Variants in LHFPL3 observed in about 807,000 individuals in gnomAD.
LHFPL3 encodes the protein LHFPL tetraspan subfamily member 3, also known as LHFPL tetraspan subfamily member 3 protein.
Under a neutral mutation model 19.3 loss-of-function variants are expected in LHFPL3, and 5 were observed. The observed-to-expected ratio is 0.26, with a 90% confidence interval of 0.14 to 0.54. The LOEUF (loss-of-function observed/expected upper bound fraction) is 0.54. Among genes scored for constraint, LHFPL3 ranks in the 20% least tolerant of loss-of-function variants. The pLI is 0.94. For synonymous variants in LHFPL3, 133 were observed against 126.2 expected, an observed-to-expected ratio of 1.05 and a Z score of -0.36; for missense variants, 249 against 307.4, an observed-to-expected ratio of 0.81 and a Z score of 1.42.
At chr7:104,363,331 G>A (rs1790425872) in intron 1 of LHFPL3, among the ~76,000 whole-genome samples, 1 of 152,230 alleles carries the variant, frequency 6.6e-6, no homozygotes, top group Non-Finnish European at 1.5e-5. Flanking sequence ...CAAGAATACA[G>A]CCTCTTTCTC....
chr7:104,845,278 A>G lies in LHFPL3; in HGVS notation c.683-60909A>G, dbSNP rs745357203. On this transcript the variant is annotated intron_variant, in intron 2 of 2. Transcript: ENST00000424859. ...CCAAGTATGTCTCTGCACACCGTCAATGGAATAGCCAGGAATGACGTTGTC... is the reference window on the plus strand; with the variant it reads ...CCAAGTATGTCTCTGCACACCGTCAGTGGAATAGCCAGGAATGACGTTGTC... 5.5e-6 allele frequency: 4 copies of G among 730,680 alleles called. 1 individual carries two copies. Among genetic ancestry groups the G allele is most frequent in the Admixed American group, 4.0e-5 (2 of 49,462 alleles). 45.3% of individuals were successfully genotyped at this position (730,680 alleles called of 1,614,324 possible).
intron 1 of LHFPL3, among the ~76,000 whole-genome samples, 166 bp downstream of exon 1, chr7:104,329,390 C>T (rs994851382): frequency 6.6e-6 from 1 of 152,174 alleles, no homozygotes; most frequent in East Asian, 1.9e-4. Context: ...GGCCGGAACC[C>T]CCGGGGTTCC....
At chr7:104,358,286 A>G (rs1790323054) in intron 1 of LHFPL3, among the ~76,000 whole-genome samples, 1 of 152,228 alleles carries the variant, frequency 6.6e-6, no homozygotes, top group African/African-American at 2.4e-5. Flanking sequence ...GCACTTTAAA[A>G]TGGTTAAAAT....
intron 1 of LHFPL3, among the ~76,000 whole-genome samples, chr7:104,442,542 T>A (rs951268905): frequency 3.3e-5 from 5 of 152,214 alleles, no homozygotes; most frequent in Non-Finnish European, 4.4e-5. Context: ...TGTCAACTAT[T>A]ATCTTTTCAT....
rs182298560 is a variant in LHFPL3, at chr7:104,376,540, T to A, written c.445+47316T>A. Among the ~76,000 whole-genome samples the A allele has an allele frequency of 3.8e-4, 58 of 152,352 alleles. No individual in the cohort carries two copies. The East Asian group carries it at 7.7e-3, about 20-fold the overall frequency. Reference sequence around the variant, plus strand: ...ATTCTCCTGATAATGTCCCTGCTACTTTTTATGGAATGTAGGTTTTCAGGA... The same window carrying A: ...ATTCTCCTGATAATGTCCCTGCTACATTTTATGGAATGTAGGTTTTCAGGA... On this transcript the variant is annotated intron_variant, in intron 1 of 2. Coordinates refer to ENST00000424859, the MANE Select transcript of LHFPL3 (RefSeq NM_199000.3).
At chr7:104,850,572 C>G (rs1791399051) in intron 2 of LHFPL3, among the ~76,000 whole-genome samples, 1 of 152,194 alleles carries the variant, frequency 6.6e-6, no homozygotes, top group African/African-American at 2.4e-5. Context: ...TTCCCCAGGA[C>G]AGGAAGTAGG....
intron 1 of LHFPL3, among the ~76,000 whole-genome samples, chr7:104,683,688 T>A (rs1792753509): frequency 6.6e-6 from 1 of 152,208 alleles, no homozygotes; most frequent in Middle Eastern, 3.2e-3. Flanking sequence ...TAATGATGGC[T>A]CCTTATTTAA....
chr7:104,440,771 G>C (rs748718819), intron 1 of LHFPL3, among the ~76,000 whole-genome samples: 2 of 152,102 alleles, frequency 1.3e-5, no homozygotes, highest in Non-Finnish European at 2.9e-5. Flanking sequence ...TCTACATGTA[G>C]AATATTTGCA....
At chr7:104,741,638 C>T (rs946433989) in intron 2 of LHFPL3, among the ~76,000 whole-genome samples, 15 of 151,752 alleles carry the variant, frequency 9.9e-5, no homozygotes, top group Admixed American at 6.6e-4. Context: ...TGGGTGCAAG[C>T]GATCCTCCTG....
At chr7:104,496,697 G>T (rs187628955) in intron 1 of LHFPL3, among the ~76,000 whole-genome samples, 2 of 152,192 alleles carry the variant, frequency 1.3e-5, no homozygotes, top group East Asian at 3.9e-4. Context: ...ACAAAGCTGC[G>T]CTGGTTCCAA....
chr7:104,445,497 G>A (rs1792314446), intron 1 of LHFPL3, among the ~76,000 whole-genome samples: 1 of 152,114 alleles, frequency 6.6e-6, no homozygotes, highest in Admixed American at 6.6e-5. Flanking sequence ...ACAGGGCCTG[G>A]CACACAATAA....
At chr7:104,403,690 T>C (rs921058791) in intron 1 of LHFPL3, among the ~76,000 whole-genome samples, 4 of 152,014 alleles carry the variant, frequency 2.6e-5, no homozygotes, top group African/African-American at 9.7e-5. Context: ...GCTGGGAATC[T>C]CATCAAGGGA....
At chr7:104,628,784 T>G (rs1034510968) in intron 1 of LHFPL3, among the ~76,000 whole-genome samples, 11 of 152,188 alleles carry the variant, frequency 7.2e-5, no homozygotes, top group African/African-American at 2.7e-4. Flanking sequence ...GTTTGGTTCC[T>G]TTTTCAAAGA....
At chr7:104,834,750 CG>C (rs1279183625) in intron 2 of LHFPL3, among the ~76,000 whole-genome samples, 1 of 151,806 alleles carries the variant, frequency 6.6e-6, no homozygotes, top group East Asian at 1.9e-4. Flanking sequence ...GTCCTGCAGG[CG>C]GAGAGGGCTG....
In LHFPL3 at chr7:104,593,210, G is replaced by A. The variant is rs145695639; in HGVS notation, c.446-143465G>A. Among the ~76,000 whole-genome samples, 666 of 151,984 alleles carry A rather than the reference G, an allele frequency of 4.4e-3. 35 individuals carry two copies. In the East Asian group the frequency reaches 0.1, roughly 23 times the overall value. On this transcript the variant is annotated intron_variant, in intron 1 of 2. Transcript: ENST00000424859. ...AATTTCCCTGTACACACTGTTTTGA[G>A]TGTGTCCCAGAGATTCTGGTATGTT...
chr7:104,391,778 T>C (rs1791074146), intron 1 of LHFPL3, among the ~76,000 whole-genome samples: 1 of 152,210 alleles, frequency 6.6e-6, no homozygotes, highest in African/African-American at 2.4e-5. Context: ...CCTTGGGCAG[T>C]ATGAGCATTT....
chr7:104,595,772 A>G (rs955263244), intron 1 of LHFPL3, among the ~76,000 whole-genome samples: 1 of 152,206 alleles, frequency 6.6e-6, no homozygotes, highest in African/African-American at 2.4e-5. Context: ...GCAATGGCAG[A>G]CGCCCCTCCC....
intron 1 of LHFPL3, among the ~76,000 whole-genome samples, chr7:104,332,925 G>C (rs909083283): frequency 7.4e-6 from 1 of 134,812 alleles, no homozygotes; most frequent in East Asian, 2.2e-4. Context: ...TAAATCTGTA[G>C]AAAGGCAATT....
intron 2 of LHFPL3, among the ~76,000 whole-genome samples, chr7:104,875,029 A>T (rs1220689293): frequency 6.9e-6 from 1 of 145,916 alleles, no homozygotes; most frequent in African/African-American, 2.6e-5. Flanking sequence ...TTTTTTTTTT[A>T]GAGAGATGGG....
Sources: gnomAD v4.1 joint callset for allele counts (sites outside exome capture counted in the v4.1 genomes callset) on GRCh38, gnomAD v4.1.1 for gene constraint, MANE v1.5 for transcripts, NCBI Gene and HGNC (gene_info 2026-07-23, HGNC 2026-07-21) for gene names.